Variants in SGO2 observed in about 807,000 individuals in gnomAD.
SGO2 encodes the protein shugoshin 2.
A neutral mutation model predicts 99.5 loss-of-function variants in SGO2; 68 were observed. The ratio of observed to expected loss-of-function variants is 0.68; its 90% CI spans 0.56 to 0.84. The LOEUF (loss-of-function observed/expected upper bound fraction) is 0.84. SGO2 is among the 40% of genes least tolerant of loss of function. The probability of loss-of-function intolerance (pLI) is 0.00; values close to 1 mark genes in which losing one functional copy is unlikely to be tolerated. For synonymous variants in SGO2, 457 were observed against 487.1 expected (o/e 0.94, Z 0.81); for missense variants, 1,350 against 1,436.7 (o/e 0.94, Z 0.97).
intron 2 of SGO2, among the ~76,000 whole-genome samples, chr2:200,534,284 A>G (rs2031581394): frequency 6.6e-6 from 1 of 152,234 alleles, no homozygotes; most frequent in Non-Finnish European, 1.5e-5. Flanking sequence ...AAGCTTTACC[A>G]GGGAATTCAC....
chr2:200,579,677 C>T lies in SGO2; in HGVS notation c.3783-3772C>T, dbSNP rs143178697. Among the ~76,000 whole-genome samples the T allele has an allele frequency of 1.1e-3, 171 of 152,166 alleles. 1 individual carries two copies. Among genetic ancestry groups the T allele is most frequent in the African/African-American group, 3.9e-3 (163 of 41,530 alleles). On this transcript the variant is annotated intron_variant, in intron 8 of 8. Coordinates refer to ENST00000357799, the MANE Select transcript of SGO2 (RefSeq NM_152524.6). ...CATCTGTTGATGAGTTTTCCAGTAC[C>T]GAACTAACCTTGCTTTCCTGGAATA...
chr2:200,569,173 A>G (rs2033300283), intron 5 of SGO2, among the ~76,000 whole-genome samples: 1 of 152,020 alleles, frequency 6.6e-6, no homozygotes, highest in Non-Finnish European at 1.5e-5. Context: ...TTTTCTTCCC[A>G]TAGATTTAAT....
At chr2:200,583,083 T>C (rs2033892864) in intron 8 of SGO2, among the ~76,000 whole-genome samples, 1 of 152,136 alleles carries the variant, frequency 6.6e-6, no homozygotes, top group Admixed American at 6.6e-5. Flanking sequence ...GGTGTGGTAA[T>C]ATTTTGTTTC....
intron 3 of SGO2, among the ~76,000 whole-genome samples, chr2:200,535,823 CAT>C (rs750922645): frequency 2.0e-4 from 30 of 151,864 alleles, no homozygotes; most frequent in East Asian, 9.6e-4. Flanking sequence ...AAGTATTCAA[CAT>C]ATGTGTGTGT....
intron 5 of SGO2, among the ~76,000 whole-genome samples, chr2:200,566,658 T>C (rs2033199416): frequency 6.6e-6 from 1 of 152,178 alleles, no homozygotes; most frequent in East Asian, 1.9e-4. Context: ...AGCTATGCCC[T>C]CCGCCAGAGG....
intron 7 of SGO2, among the ~76,000 whole-genome samples, chr2:200,575,049 T>C (rs932301556): frequency 6.6e-6 from 1 of 152,080 alleles, no homozygotes; most frequent in Non-Finnish European, 1.5e-5. Context: ...ATCAATGGCA[T>C]ATATGTTGAA....
intron 5 of SGO2, among the ~76,000 whole-genome samples, chr2:200,546,214 G>C (rs1023499789): frequency 6.6e-6 from 1 of 151,300 alleles, no homozygotes; most frequent in East Asian, 1.9e-4. Flanking sequence ...TTAGCCAGGC[G>C]TGGTGGTGGG....
intron 5 of SGO2, among the ~76,000 whole-genome samples, chr2:200,548,879 A>G (rs534951089): frequency 3.0e-4 from 46 of 152,364 alleles, no homozygotes; most frequent in African/African-American, 1.1e-3. Flanking sequence ...TAACCTACCA[A>G]GATTAAACCA....
intron 5 of SGO2, among the ~76,000 whole-genome samples, chr2:200,549,972 T>A (rs1258803060): frequency 6.6e-6 from 1 of 152,134 alleles, no homozygotes; most frequent in African/African-American, 2.4e-5. Flanking sequence ...AAGACTCCAC[T>A]GAAAAGCTGT....
chr2:200,559,029 C>G (rs1449295014), intron 5 of SGO2, among the ~76,000 whole-genome samples: 1 of 152,212 alleles, frequency 6.6e-6, no homozygotes, highest in Non-Finnish European at 1.5e-5. Context: ...TCTCGAACTC[C>G]TGACCTCAGG....
chr2:200,557,865 CTTT>C (rs796257056), intron 5 of SGO2, among the ~76,000 whole-genome samples: 3 of 130,162 alleles, frequency 2.3e-5, no homozygotes, highest in Non-Finnish European at 1.6e-5. Context: ...GCATTGGCTA[CTTT>C]TTTTTTTTTT....
intron 5 of SGO2, among the ~76,000 whole-genome samples, chr2:200,558,844 C>A (rs566834532): frequency 6.6e-6 from 1 of 151,258 alleles, no homozygotes; most frequent in South Asian, 2.1e-4. Context: ...CTCCTGCAAC[C>A]CAGGCTAGAG....
intron 1 of SGO2, among the ~76,000 whole-genome samples, chr2:200,530,879 T>A (rs1460900052): frequency 6.6e-6 from 1 of 152,194 alleles, no homozygotes; most frequent in East Asian, 1.9e-4. Flanking sequence ...AAAGCCTGAT[T>A]GAAGTAGGTT....
At chr2:200,579,940 TTA>T (rs1309866108) in intron 8 of SGO2, among the ~76,000 whole-genome samples, 1 of 152,174 alleles carries the variant, frequency 6.6e-6, no homozygotes, top group Non-Finnish European at 1.5e-5. Flanking sequence ...GCATTATAAT[TTA>T]TGTTTATAAT....
intron 5 of SGO2, among the ~76,000 whole-genome samples, chr2:200,546,178 TAAAAAAA>T (rs61255782): frequency 7.2e-6 from 1 of 139,406 alleles, no homozygotes; most frequent in African/African-American, 2.6e-5. Flanking sequence ...ATAGATTTGC[TAAAAAAA>T]AAAAAAAAAT....
At chr2:200,566,777 C>A (rs1292873669) in intron 5 of SGO2, among the ~76,000 whole-genome samples, 1 of 152,312 alleles carries the variant, frequency 6.6e-6, no homozygotes, top group East Asian at 1.9e-4. Flanking sequence ...TGGCGGGCAC[C>A]CGTCCCCCCA....
At chr2:200,577,301 T>C (rs1326532777) in intron 8 of SGO2, among the ~76,000 whole-genome samples, 2 of 152,234 alleles carry the variant, frequency 1.3e-5, no homozygotes, top group South Asian at 4.1e-4. Flanking sequence ...CGTCTTTTCA[T>C]GTGCTTACTG....
At chr2:200,581,777 A>C (rs2106355853) in intron 8 of SGO2, among the ~76,000 whole-genome samples, 1 of 152,338 alleles carries the variant, frequency 6.6e-6, no homozygotes, top group East Asian at 1.9e-4. Flanking sequence ...TTACCAACTA[A>C]GCTGTATAGC....
At chr2:200,582,624 G>T (rs775434684) in intron 8 of SGO2, among the ~76,000 whole-genome samples, 39 of 152,202 alleles carry the variant, frequency 2.6e-4, no homozygotes, top group Middle Eastern at 3.4e-3. Context: ...ATTAGTGCAT[G>T]AACTATAGTG....
Sources: allele counts gnomAD v4.1 joint callset (sites outside exome capture counted in the v4.1 genomes callset), GRCh38; gene constraint gnomAD v4.1.1; transcripts MANE v1.5; gene names NCBI Gene and HGNC (gene_info 2026-07-23, HGNC 2026-07-21).